The following CACNA1D variants were observed in gnomAD, a reference collection of about 807,000 sequenced individuals.
CACNA1D encodes the protein voltage-dependent L-type calcium channel subunit alpha-1D.
Under a neutral mutation model 257.1 loss-of-function variants are expected in CACNA1D, and 55 were observed. The ratio of observed to expected loss-of-function variants is 0.21; its 90% CI spans 0.17 to 0.27. CACNA1D has a LOEUF of 0.27. Among genes scored for constraint, CACNA1D ranks in the 10% least tolerant of loss-of-function variants. The probability of loss-of-function intolerance (pLI) is 1.00; values close to 1 mark genes in which losing one functional copy is unlikely to be tolerated. For synonymous variants in CACNA1D, 980 were observed against 1,014.9 expected (o/e 0.97, Z 0.65); for missense variants, 1,876 against 2,784.0 (o/e 0.67, Z 7.34).
At chr3:53,782,263 T>TATATATAC (rs1411891533) in intron 39 of CACNA1D, 1 of 56,780 alleles carries the variant, frequency 1.8e-5, no homozygotes, top group East Asian at 5.9e-4. Flanking sequence ...TGTGTGTGTG[T>TATATATAC]GTATATATAT....
intron 8 of CACNA1D, chr3:53,679,737 G>A (rs890359742): frequency 9.2e-5 from 14 of 152,200 alleles, no homozygotes; most frequent in African/African-American, 3.4e-4. Context: ...CATTTAGCTG[G>A]ATTTGTCTTT....
In CACNA1D at chr3:53,511,107, A is replaced by G. The variant is rs76771095; in HGVS notation, c.483+9387A>G. ...GGGGAAGAAGAATATCCAATCCGGT[A>G]TGTCTCTGATGTCCCGTGTTCTTAT... On this transcript the variant is annotated intron_variant, in intron 3 of 47. Coordinates refer to ENST00000350061, the MANE Select transcript of CACNA1D (RefSeq NM_001128840.3). 4.0e-3 allele frequency among the ~76,000 whole-genome samples: 611 copies of G among 152,248 alleles called. 4 individuals carry two copies. The highest frequency in any genetic ancestry group is 0.014 in the African/African-American group (562 of 41,538).
At chr3:53,638,352 T>C (rs2093910234) in intron 3 of CACNA1D, among the ~76,000 whole-genome samples, 2 of 152,178 alleles carry the variant, frequency 1.3e-5, no homozygotes, top group East Asian at 1.9e-4. Flanking sequence ...CCGGGAAGAA[T>C]TGTGCACCTC....
intron 3 of CACNA1D, among the ~76,000 whole-genome samples, chr3:53,585,373 T>A (rs2093197510): frequency 6.6e-6 from 1 of 152,178 alleles, no homozygotes; most frequent in African/African-American, 2.4e-5. Flanking sequence ...TCTTAGCAGA[T>A]GTGGCTGGCC....
intron 3 of CACNA1D, among the ~76,000 whole-genome samples, chr3:53,639,859 CTTTTTTT>C (rs34925431): frequency 6.9e-5 from 7 of 102,072 alleles, no homozygotes; most frequent in East Asian, 2.8e-4. Flanking sequence ...TCATTTCTTA[CTTTTTTT>C]TTTTTTTTTT....
intron 3 of CACNA1D, among the ~76,000 whole-genome samples, chr3:53,592,230 G>C (rs1232319194): frequency 2.0e-5 from 3 of 152,212 alleles, no homozygotes; most frequent in Admixed American, 2.0e-4. Flanking sequence ...GATTGGCCAG[G>C]AAAGACGTCT....
chr3:53,731,931 A>G (rs2094997189), intron 17 of CACNA1D, 85 bp from the exon 18 acceptor site: 8 of 865,342 alleles, frequency 9.2e-6, no homozygotes, highest in Middle Eastern at 2.2e-4. Context: ...TCCATGCCCT[A>G]TGCTGGACCA....
chr3:53,527,850 A>T (rs1201680268), intron 3 of CACNA1D, among the ~76,000 whole-genome samples: 4 of 152,248 alleles, frequency 2.6e-5, no homozygotes, highest in African/African-American at 9.6e-5. Context: ...ATTTCAAGAC[A>T]TTTGAAAATG....
intron 3 of CACNA1D, among the ~76,000 whole-genome samples, chr3:53,630,129 A>G (rs752187687): frequency 5.9e-5 from 9 of 152,228 alleles, no homozygotes; most frequent in African/African-American, 1.9e-4. Flanking sequence ...CGTGGAATAT[A>G]TGACTGGACA....
chr3:53,610,480 ATGAAATGTT>A (rs2093569666), intron 3 of CACNA1D, among the ~76,000 whole-genome samples: 1 of 152,166 alleles, frequency 6.6e-6, no homozygotes, highest in African/African-American at 2.4e-5. Context: ...CTTTATCATT[ATGAAATGTT>A]CCTCTTTCTC....
Position 53,495,134 on chromosome 3 carries a change from T to G in CACNA1D, c.-33T>G. 9.5e-7 allele frequency: 1 copy of G among 1,057,826 alleles called. No individual in the cohort carries two copies. The highest frequency in any genetic ancestry group is 1.4e-6 in the Non-Finnish European group (1 of 738,576). 65.5% of individuals were successfully genotyped at this position (1,057,826 alleles called of 1,614,324 possible). On this transcript the variant is annotated 5_prime_UTR_variant, in exon 1 of 48. Coordinates refer to ENST00000350061, the MANE Select transcript of CACNA1D (RefSeq NM_001128840.3). The surrounding 1 kb of genome is among the most constrained non-coding windows in gnomAD (Gnocchi z 5.1). The stretch of plus-strand genomic sequence containing the variant: ...CGCCTCAACGCCCAGCACAGTGCCC[T>G]GCACACAGTAGTCGCTCAATAAATG...
At chr3:53,795,230 A>G (rs987776404) in intron 40 of CACNA1D, among the ~76,000 whole-genome samples, 1 of 152,234 alleles carries the variant, frequency 6.6e-6, no homozygotes, top group Non-Finnish European at 1.5e-5. Context: ...CGTTTCAGGG[A>G]TAACTTTTGA....
intron 14 of CACNA1D, among the ~76,000 whole-genome samples, chr3:53,725,057 A>G (rs1458334732): frequency 6.6e-6 from 1 of 151,570 alleles, no homozygotes; most frequent in Non-Finnish European, 1.5e-5. Flanking sequence ...AATGTTACAA[A>G]TGAATAATAA....
chr3:53,584,534 C>T (rs1456081056), intron 3 of CACNA1D, among the ~76,000 whole-genome samples: 1 of 152,214 alleles, frequency 6.6e-6, no homozygotes, highest in African/African-American at 2.4e-5. Flanking sequence ...ATCCCTCCAT[C>T]CATTCACCAT....
At chr3:53,787,019 G>A in intron 40 of CACNA1D, 67 bp downstream of exon 40, 1 of 1,521,798 alleles carries the variant, frequency 6.6e-7, no homozygotes, top group Non-Finnish European at 9.1e-7. Context: ...TGAAATACTA[G>A]AGAGCTGCCT....
At chr3:53,525,855 A>T (rs1276849089) in intron 3 of CACNA1D, among the ~76,000 whole-genome samples, 1 of 152,130 alleles carries the variant, frequency 6.6e-6, no homozygotes, top group Non-Finnish European at 1.5e-5. Context: ...AGAGGAATTT[A>T]TTGGCTCACA....
chr3:53,732,160 GGCCA>G, intron 18 of CACNA1D, 78 bp downstream of exon 18: 1 of 1,143,408 alleles, frequency 8.7e-7, no homozygotes, highest in Non-Finnish European at 1.3e-6. Context: ...CCGAGTCTGC[GGCCA>G]GCCAGCCCAG....
In CACNA1D at chr3:53,801,330, G is replaced by A. The variant is rs745643914; in HGVS notation, c.5313G>A (p.Arg1771=). The part of the protein sequence containing the change: ...ANMSKAAHGK[R]PSIGNLEHVS... ...TGTCCAAAGCTGCCCATGGAAAGCG[G>A]CCCAGCATTGGGAACCTTGAGCATG... The change falls in exon 42 of 48, where the codon CGG becomes CGA. Residue 1771 remains arginine, a synonymous_variant. Transcript: ENST00000350061. 6.2e-7 allele frequency: 1 copy of A among 1,614,142 alleles called. No homozygotes were observed.
intron 3 of CACNA1D, among the ~76,000 whole-genome samples, chr3:53,511,903 T>C (rs2091128477): frequency 6.6e-6 from 1 of 152,202 alleles, no homozygotes; most frequent in Non-Finnish European, 1.5e-5. Context: ...ATATATGTGG[T>C]TTTATTATTT....
Sources: allele counts gnomAD v4.1 joint callset (sites outside exome capture counted in the v4.1 genomes callset), GRCh38; gene constraint gnomAD v4.1.1; non-coding constraint Gnocchi (gnomAD v3.1); transcripts MANE v1.5; gene names NCBI Gene and HGNC (gene_info 2026-07-23, HGNC 2026-07-21).